Variants in ILDR2 observed in about 807,000 individuals in gnomAD.
ILDR2 encodes the protein immunoglobulin-like domain-containing receptor 2.
In ILDR2, 25 loss-of-function variants were observed where a neutral mutation model predicts 66.8. The ratio of observed to expected loss-of-function variants is 0.37; its 90% CI spans 0.27 to 0.52. ILDR2 has a LOEUF of 0.52. Ranked by LOEUF, ILDR2 falls within the 20% of genes least tolerant of loss-of-function variation. The pLI is 0.88. For synonymous variants in ILDR2, 367 were observed against 357.2 expected, an observed-to-expected ratio of 1.03 and a Z score of -0.31; for missense variants, 827 against 876.8, an observed-to-expected ratio of 0.94 and a Z score of 0.72.
In ILDR2 at chr1:166,957,968, G is replaced by A. The variant is rs1381377585; in HGVS notation, c.180C>T (p.Ser60=). The change falls in exon 2 of 10, where the codon TCC becomes TCT. Residue 60 remains serine, a synonymous_variant. Coordinates refer to ENST00000271417, the MANE Select transcript of ILDR2 (RefSeq NM_199351.3). ...QPAVVQWKFK[S]YCQDRMGESL... ...ATTCTCCCATGCGATCCTGGCAGTA[G>A]GACTTGAACTTCCACTGCACAACTG... 2 of 1,614,162 alleles carry A rather than the reference G, an allele frequency of 1.2e-6. No homozygotes were observed. The highest frequency in any genetic ancestry group is 2.2e-5 in the South Asian group (2 of 91,086).
intron 2 of ILDR2, among the ~76,000 whole-genome samples, chr1:166,897,549 T>C (rs1659186993): frequency 6.6e-6 from 1 of 152,216 alleles, no homozygotes. Context: ...TGAAACCGAC[T>C]GGACCTCCCA....
rs910417725 is a variant in ILDR2 at position 166,908,522 on chromosome 1, G to A, written c.*10833C>T. ...GTCCATAGCAACAGAGAAGCAAAAT[G>A]TCCCCTGTTCTATGGAACTTAGAGA... On this transcript the variant is annotated 3_prime_UTR_variant, in exon 10 of 10. Coordinates refer to ENST00000271417, the MANE Select transcript of ILDR2 (RefSeq NM_199351.3). The A allele has an allele frequency of 1.3e-5, 2 of 152,184 alleles. No individual in the cohort carries two copies. Among genetic ancestry groups the A allele is most frequent in the East Asian group, 1.9e-4 (1 of 5,198 alleles). The allele number at this position is 152,184 out of a possible 1,614,324, so 9.4% of individuals were successfully genotyped here.
At chr1:166,939,806 C>A (rs1661207133) in intron 3 of ILDR2, among the ~76,000 whole-genome samples, 2 of 152,202 alleles carry the variant, frequency 1.3e-5, no homozygotes, top group Non-Finnish European at 2.9e-5. Context: ...AGAAACAGAA[C>A]TTTCTCTCCA....
At chr1:166,903,440 T>C (rs539735980), downstream of ILDR2, among the ~76,000 whole-genome samples, 1 of 152,340 alleles carries the variant, frequency 6.6e-6, no homozygotes, top group South Asian at 2.1e-4. Flanking sequence ...AGGCAAGTAA[T>C]TTCCCTTCAG....
At chr1:166,960,372 A>G (rs1011377390) in intron 1 of ILDR2, among the ~76,000 whole-genome samples, 5 of 152,182 alleles carry the variant, frequency 3.3e-5, no homozygotes, top group African/African-American at 1.2e-4. Flanking sequence ...AATGAGTCAG[A>G]AGTGTAGTAA....
intron 7 of ILDR2, among the ~76,000 whole-genome samples, chr1:166,924,117 C>T (rs536431179): frequency 1.2e-4 from 19 of 152,298 alleles, no homozygotes; most frequent in African/African-American, 4.3e-4. Flanking sequence ...GCGTTTACCA[C>T]GAATGCCATT....
In ILDR2 at chr1:166,935,427, C is replaced by T. The variant is rs750214125; in HGVS notation, c.754G>A (p.Gly252Ser). The change falls in exon 6 of 10, where the codon GGT becomes AGT. Residue 252 changes from glycine (G) to serine (S), a missense_variant. Coordinates refer to ENST00000271417, the MANE Select transcript of ILDR2 (RefSeq NM_199351.3). ...AKAGYPPSVSGVPGPYSIPSV... is the reference protein window; with the variant it reads ...AKAGYPPSVSSVPGPYSIPSV... The stretch of plus-strand genomic sequence containing the variant: ...GGGATGGAGTAAGGGCCGGGGACAC[C>T]GGAGACAGAGGGAGGGTACCCGGCC... 18 of 1,612,204 alleles carry T rather than the reference C, an allele frequency of 1.1e-5. No homozygotes were observed. Among genetic ancestry groups the T allele is most frequent in the Middle Eastern group, 3.3e-4 (2 of 6,074 alleles).
At chr1:166,954,620 T>A (rs1159122903) in intron 3 of ILDR2, among the ~76,000 whole-genome samples, 1 of 152,226 alleles carries the variant, frequency 6.6e-6, no homozygotes, top group Non-Finnish European at 1.5e-5. Context: ...TGCAACGAGT[T>A]TGGATTTGCA....
At chr1:166,922,021 A>G (rs548690825) in intron 8 of ILDR2, among the ~76,000 whole-genome samples, 3 of 152,330 alleles carry the variant, frequency 2.0e-5, no homozygotes, top group Non-Finnish European at 4.4e-5. Flanking sequence ...CCATTTTCCC[A>G]GCTTAAAATA....
intron 7 of ILDR2, among the ~76,000 whole-genome samples, chr1:166,925,537 C>A (rs1429594982): frequency 6.6e-6 from 1 of 152,156 alleles, no homozygotes; most frequent in African/African-American, 2.4e-5. Context: ...GGTCTCTGAA[C>A]AGAATGGAGC....
intron 8 of ILDR2, among the ~76,000 whole-genome samples, chr1:166,922,036 C>T (rs1659980260): frequency 6.6e-6 from 1 of 152,104 alleles, no homozygotes; most frequent in Non-Finnish European, 1.5e-5. Flanking sequence ...AAAATAGGGG[C>T]ATTAATAGTA....
chr1:166,949,355 G>GTATTCTTGTATTGTATTGTA (rs1172248010), intron 3 of ILDR2, among the ~76,000 whole-genome samples: 4 of 152,190 alleles, frequency 2.6e-5, no homozygotes, highest in African/African-American at 4.8e-5. Flanking sequence ...TTCTTGTATT[G>GTATTCTTGTATTGTATTGTA]TTCTCTAACT....
At chr1:166,928,678 G>T (rs1660453558) in intron 6 of ILDR2, among the ~76,000 whole-genome samples, 1 of 152,116 alleles carries the variant, frequency 6.6e-6, no homozygotes, top group South Asian at 2.1e-4. Context: ...CTATTTACAT[G>T]GAAGATTAAA....
chr1:166,957,632 C>T, intron 2 of ILDR2, 137 bp downstream of exon 2: 3 of 725,670 alleles, frequency 4.1e-6, no homozygotes, highest in Non-Finnish European at 6.6e-6. Context: ...TCTTGATGCT[C>T]CCATTTCCAA....
intron 1 of ILDR2, among the ~76,000 whole-genome samples, chr1:166,974,422 C>T (rs547680487): frequency 1.3e-5 from 2 of 152,248 alleles, no homozygotes; most frequent in South Asian, 4.2e-4. Context: ...ATCTACTGAC[C>T]CCAGCAGAAT....
chr1:166,935,618 G>C (rs1660905313), intron 5 of ILDR2, 141 bp from the exon 6 acceptor site: 2 of 711,224 alleles, frequency 2.8e-6, no homozygotes, highest in Non-Finnish European at 4.4e-6. Context: ...TTCTAAAACT[G>C]AACTGATTCA....
At chr1:166,947,065 T>G (rs1290784251) in intron 3 of ILDR2, among the ~76,000 whole-genome samples, 1 of 152,056 alleles carries the variant, frequency 6.6e-6, no homozygotes, top group East Asian at 1.9e-4. Flanking sequence ...CTTCACAAAG[T>G]GCTATAGTGA....
Position 166,921,200 on chromosome 1 carries a change from G to A in ILDR2, c.1391C>T (p.Ala464Val). Reference sequence around the variant, plus strand: ...GTCGTCCTGGTAGAAGCCGCTGTGCGCCCGCGACTCCGAGCGCTCGAAGCG... The same window carrying A: ...GTCGTCCTGGTAGAAGCCGCTGTGCACCCGCGACTCCGAGCGCTCGAAGCG... ...GSRFERSESR[A>V]HSGFYQDDSL... Residue 464 changes from alanine (A) to valine (V), a missense_variant, in exon 9 of 10, where the codon GCG (alanine) becomes GTG (valine). Ala to Val is a moderately conservative substitution (Grantham distance 64, BLOSUM62 0). This residue lies in a region of ILDR2 where 390 missense variants were observed against 353.6 expected (regional missense o/e 1.10). Coordinates refer to ENST00000271417, the MANE Select transcript of ILDR2 (RefSeq NM_199351.3). The surrounding 1 kb of genome is among the most constrained non-coding windows in gnomAD (Gnocchi z 5.3). 1.3e-6 allele frequency: 2 copies of A among 1,579,716 alleles called. No homozygotes were observed. The highest frequency in any genetic ancestry group is 1.7e-6 in the Non-Finnish European group (2 of 1,170,056).
chr1:166,928,487 C>A (rs1660436796), intron 6 of ILDR2, among the ~76,000 whole-genome samples: 3 of 152,188 alleles, frequency 2.0e-5, no homozygotes, highest in African/African-American at 7.2e-5. Flanking sequence ...GTCCTATATT[C>A]CAGCTATTAA....
Sources: allele counts gnomAD v4.1 joint callset (sites outside exome capture counted in the v4.1 genomes callset), GRCh38; gene constraint gnomAD v4.1.1; regional missense constraint gnomAD v4.1.1; non-coding constraint Gnocchi (gnomAD v3.1); transcripts MANE v1.5; gene names NCBI Gene and HGNC (gene_info 2026-07-23, HGNC 2026-07-21).